The following ZNF3 variants were observed in gnomAD, a reference collection of about 807,000 sequenced individuals.
The protein encoded by ZNF3 is zinc finger protein 3.
Under a neutral mutation model 36.9 loss-of-function variants are expected in ZNF3, and 16 were observed. That is an observed-to-expected ratio of 0.43 (90% CI 0.29 to 0.66). ZNF3 has a LOEUF of 0.66. ZNF3 is among the 30% of genes least tolerant of loss of function. The pLI is 0.13. For synonymous variants in ZNF3, 201 were observed against 201.9 expected (o/e 1.00, Z 0.04); for missense variants, 462 against 543.1 (o/e 0.85, Z 1.48).
chr7:100,066,772 C>T (rs1045324956), downstream of ZNF3, among the ~76,000 whole-genome samples: 6 of 151,700 alleles, frequency 4.0e-5, no homozygotes, highest in Non-Finnish European at 7.4e-5. Context: ...TGGTGGCTCA[C>T]GCCTGTAATC....
At chr7:100,065,365 A>C (rs1025028846), downstream of ZNF3, among the ~76,000 whole-genome samples, 2 of 151,798 alleles carry the variant, frequency 1.3e-5, no homozygotes, top group African/African-American at 4.8e-5. Context: ...CAGAGGTTGC[A>C]GTGAGCCAAC....
At position 100,075,648 on chromosome 7, in the gene ZNF3, G is replaced by C. The variant is rs750456937; in HGVS notation, c.56-18C>G. On this transcript the variant is annotated intron_variant, in intron 3 of 5. Transcript: ENST00000299667. ...AGGAAGAGCTGAAGGGCAATAAAAG[G>C]GCCCAGGAATGAGTCCATCTGCTCT... 2 of 1,613,106 alleles carry C rather than the reference G, an allele frequency of 1.2e-6. No homozygotes were observed. Among genetic ancestry groups the C allele is most frequent in the South Asian group, 2.2e-5 (2 of 90,904 alleles).
intron 5 of ZNF3, among the ~76,000 whole-genome samples, chr7:100,073,812 T>G (rs183903132): frequency 8.9e-4 from 136 of 151,960 alleles, no homozygotes; most frequent in Middle Eastern, 3.4e-3. Flanking sequence ...GGATAATCCT[T>G]CGGAAAAGTC....
rs565353523 is a variant in ZNF3 at position 100,080,819 on chromosome 7, T to A, written c.-198+816A>T. On this transcript the variant is annotated intron_variant, in intron 1 of 5. Transcript: ENST00000299667. ...AAAAATAAATAAAAATTAATTTTTT[T>A]AAAAAAAGAGCTTCAATAACAGAAT... Among the ~76,000 whole-genome samples the A allele has an allele frequency of 4.6e-4, 70 of 152,262 alleles. 1 individual carries two copies. Among genetic ancestry groups the A allele is most frequent in the Middle Eastern group, 3.4e-3 (1 of 294 alleles).
chr7:100,076,605 T>C (rs1448596115), intron 3 of ZNF3, among the ~76,000 whole-genome samples: 2 of 152,186 alleles, frequency 1.3e-5, no homozygotes, highest in Non-Finnish European at 2.9e-5. Context: ...AAGTATACTT[T>C]AGTGGCTTCC....
At chr7:100,080,037 A>T (rs1794740797) in intron 1 of ZNF3, among the ~76,000 whole-genome samples, 1 of 152,122 alleles carries the variant, frequency 6.6e-6, no homozygotes, top group South Asian at 2.1e-4. Context: ...TTTAAAGAAA[A>T]GGAAAAAAAA....
At chr7:100,072,711 A>G (rs926710448) in intron 5 of ZNF3, among the ~76,000 whole-genome samples, 19 of 152,280 alleles carry the variant, frequency 1.2e-4, no homozygotes, top group East Asian at 3.9e-4. Flanking sequence ...AAGAAGAGCA[A>G]TCATGGCTGT....
chr7:100,073,298 A>G (rs1346060549), intron 5 of ZNF3, among the ~76,000 whole-genome samples: 1 of 152,172 alleles, frequency 6.6e-6, no homozygotes, highest in Non-Finnish European at 1.5e-5. Flanking sequence ...GGGGTGAGAG[A>G]CAAGGAATTC....
At chr7:100,065,154 A>G, downstream of ZNF3, 1 of 527,972 alleles carries the variant, frequency 1.9e-6, no homozygotes, top group Admixed American at 3.4e-5. Flanking sequence ...GGGGTCAGGC[A>G]CGGTGGCTTA....
At chr7:100,074,881 AAAAAC>A (rs1173050799) in intron 5 of ZNF3, among the ~76,000 whole-genome samples, 1 of 152,126 alleles carries the variant, frequency 6.6e-6, no homozygotes, top group Non-Finnish European at 1.5e-5. Flanking sequence ...TAAAACAAAA[AAAAAC>A]AAAACAAATA....
chr7:100,069,874 G>A (rs1584406388), downstream of ZNF3: 3 of 919,896 alleles, frequency 3.3e-6, no homozygotes, highest in Non-Finnish European at 3.9e-6. Context: ...TGGCCTCCCA[G>A]AGTGCTGGGA....
chr7:100,064,447 T>C, exon 6 of ZNF3: 2 of 1,614,056 alleles, frequency 1.2e-6, no homozygotes, highest in Admixed American at 1.7e-5. Context: ...GCCATATAAG[T>C]GTAAGGAGTG....
chr7:100,064,353 G>A (rs1175052270), exon 6 of ZNF3: 1 of 1,614,122 alleles, frequency 6.2e-7, no homozygotes, highest in Non-Finnish European at 8.5e-7. Context: ...CTGGGGAGAA[G>A]CCTTATCAGT....
At position 100,071,312 on chromosome 7, in the gene ZNF3, G is replaced by C; in HGVS notation, c.1172C>G (p.Thr391Ser). The change falls in exon 6 of 6, where the codon ACC becomes AGC. Residue 391 changes from threonine (T) to serine (S), a missense_variant. Transcript: ENST00000299667. ...SGLIQHQRIH[T>S]GENPYECSEC... Reference sequence around the variant, plus strand: ...ACTACATTCATAGGGGTTCTCCCCGGTGTGGATTCTTTGATGCTGAATAAG... The same window carrying C: ...ACTACATTCATAGGGGTTCTCCCCGCTGTGGATTCTTTGATGCTGAATAAG... 1 of 1,614,234 alleles carries C rather than the reference G, an allele frequency of 6.2e-7. No individual in the cohort carries two copies. Among genetic ancestry groups the C allele is most frequent in the Non-Finnish European group, 8.5e-7 (1 of 1,180,048 alleles).
At chr7:100,076,287 C>G (rs550614325) in intron 3 of ZNF3, among the ~76,000 whole-genome samples, 6 of 151,842 alleles carry the variant, frequency 4.0e-5, no homozygotes, top group African/African-American at 1.4e-4. Context: ...CCTTTTTCTG[C>G]AATTCTTTTT....
chr7:100,064,269 G>T lies in ZNF3; in HGVS notation c.*519C>A, dbSNP rs575281616. 4 of 1,614,050 alleles carry T rather than the reference G, an allele frequency of 2.5e-6. No homozygotes were observed. The East Asian group carries it at 8.9e-5, about 36-fold the overall frequency. On this transcript the variant is annotated 3_prime_UTR_variant, in exon 6 of 6. Coordinates refer to the ZNF3 transcript ENST00000413658. ...ATCAGAGAATGCACACAGAAGAGGC[G>T]CCATATCAGTGCAAAGATTGTGGCA...
chr7:100,069,774 C>T (rs911933901), downstream of ZNF3, among the ~76,000 whole-genome samples: 1 of 152,018 alleles, frequency 6.6e-6, no homozygotes, highest in Admixed American at 6.6e-5. Context: ...CCACCATGCC[C>T]GGCTAATTTT....
Position 100,071,831 on chromosome 7 carries a change from T to TGTTGAATAAGGTCTGAA in ZNF3, c.636_652dup (p.His218LeufsTer213), listed in dbSNP as rs1301408424. The stretch of plus-strand genomic sequence containing the variant: ...CTTTTCCCCAGTGTGGATTCTCTGA[T>TGTTGAATAAGGTCTGAA]GTTGAATAAGGTCTGAAGTTCGATT... On this transcript the variant is annotated frameshift_variant, in exon 6 of 6. Transcript: ENST00000299667. LOFTEE classifies it high-confidence loss of function. 6.2e-7 allele frequency: 1 copy of TGTTGAATAAGGTCTGAA among 1,613,818 alleles called. No individual in the cohort carries two copies. The highest frequency in any genetic ancestry group is 1.3e-5 in the African/African-American group (1 of 74,938).
chr7:100,070,959 G>T lies in ZNF3; in HGVS notation c.*184C>A. 7.1e-7 allele frequency: 1 copy of T among 1,399,912 alleles called. No homozygotes were observed. The allele number at this position is 1,399,912 out of a possible 1,614,324, so 86.7% of individuals were successfully genotyped here. On this transcript the variant is annotated 3_prime_UTR_variant, in exon 6 of 6. Transcript: ENST00000299667. The stretch of plus-strand genomic sequence containing the variant: ...TCTATTCCCAGCACGCCATCCACTT[G>T]CCTTGACGCTTTCTAAGGCTGGTGT...
Sources: gnomAD v4.1 joint callset for allele counts (sites outside exome capture counted in the v4.1 genomes callset) on GRCh38, gnomAD v4.1.1 for gene constraint, MANE v1.5 for transcripts, NCBI Gene and HGNC (gene_info 2026-07-23, HGNC 2026-07-21) for gene names.